NOTO: variants seen among roughly 807,000 people sequenced by gnomAD.
The protein encoded by NOTO is homeobox protein notochord.
NOTO carries 19 observed loss-of-function variants against 20.5 expected under a neutral mutation model. That is an observed-to-expected ratio of 0.93 (90% CI 0.65 to 1.36). The LOEUF (loss-of-function observed/expected upper bound fraction) is 1.36, where lower values mean the gene tolerates loss of function less well. Among genes scored for constraint, NOTO ranks in the 40% most tolerant of loss-of-function variants. The probability of loss-of-function intolerance (pLI) is 0.00; values close to 1 mark genes in which losing one functional copy is unlikely to be tolerated. For missense variants in NOTO, 369 were observed against 336.2 expected (o/e 1.10, Z -0.76); for synonymous variants, 150 against 150.2 (o/e 1.00, Z 0.01).
intron 1 of NOTO, among the ~76,000 whole-genome samples, chr2:73,207,120 C>T (rs904003607): frequency 3.9e-5 from 6 of 152,092 alleles, no homozygotes; most frequent in Admixed American, 3.9e-4. Context: ...AAGGAACACA[C>T]AGTACAGCCT....
At position 73,204,893 on chromosome 2, in the gene NOTO, T is replaced by A. The variant is rs574583588; in HGVS notation, c.382+1845T>A. ...TAATTTTTTTTATTTTTTTATTTTTTTTTTTTGAGGCGGAGTCTTGCTCTG... is the reference window on the plus strand; with the variant it reads ...TAATTTTTTTTATTTTTTTATTTTTATTTTTTGAGGCGGAGTCTTGCTCTG... On this transcript the variant is annotated intron_variant, in intron 1 of 2. Coordinates refer to ENST00000398468, the MANE Select transcript of NOTO (RefSeq NM_001134462.2). Among the ~76,000 whole-genome samples, 228 of 144,816 alleles carry A rather than the reference T, an allele frequency of 1.6e-3. 2 individuals carry two copies. The highest frequency in any genetic ancestry group is 6.3e-3 in the Admixed American group (92 of 14,562).
Position 73,203,007 on chromosome 2 carries a change from G to T in NOTO, c.341G>T (p.Arg114Leu). 7.0e-7 allele frequency: 1 copy of T among 1,432,780 alleles called. No individual in the cohort carries two copies. The allele number at this position is 1,432,780 out of a possible 1,614,324, so 88.8% of individuals were successfully genotyped here. ...GGTTTTTACCCTGTGCCAGGGCCGC[G>T]CGTGGCTCCCGTCTGCGGCCTGCTG... ...SVGFYPVPGP[R>L]VAPVCGLLGF... The change falls in exon 1 of 3, where the codon CGC (arginine) becomes CTC (leucine). Residue 114 changes from arginine (R) to leucine (L), a missense_variant. By Grantham distance (102) the Arg-to-Leu change is moderately radical. Coordinates refer to ENST00000398468, the MANE Select transcript of NOTO (RefSeq NM_001134462.2).
chr2:73,203,931 T>C (rs1423835644), intron 1 of NOTO, among the ~76,000 whole-genome samples: 1 of 114,340 alleles, frequency 8.7e-6, no homozygotes, highest in Admixed American at 8.0e-5. Flanking sequence ...AAACCCCGTC[T>C]CTACTAAAAA....
At chr2:73,203,089 G>C (rs1429042269) in intron 1 of NOTO, 41 bp downstream of exon 1, 1 of 1,366,110 alleles carries the variant, frequency 7.3e-7, no homozygotes, top group African/African-American at 1.5e-5. Flanking sequence ...GACTGGGCGG[G>C]GGCTGGAGAG....
At position 73,203,108 on chromosome 2, in the gene NOTO, G is replaced by A. The variant is rs1686030425; in HGVS notation, c.382+60G>A. Reference sequence around the variant, plus strand: ...GGGCGGGGGCTGGAGAGCCTAGGTCGCCACTGCCGGCGCCCCAGTGCAGGA... The same window carrying A: ...GGGCGGGGGCTGGAGAGCCTAGGTCACCACTGCCGGCGCCCCAGTGCAGGA... On this transcript the variant is annotated intron_variant, in intron 1 of 2. Coordinates refer to ENST00000398468, the MANE Select transcript of NOTO (RefSeq NM_001134462.2). The A allele has an allele frequency of 1.4e-5, 18 of 1,327,208 alleles. No individual in the cohort carries two copies. In the Middle Eastern group the frequency reaches 8.2e-4, roughly 60 times the overall value. 82.2% of individuals were successfully genotyped at this position (1,327,208 alleles called of 1,614,324 possible).
At chr2:73,204,090 C>T (rs1325723501) in intron 1 of NOTO, among the ~76,000 whole-genome samples, 1 of 76,256 alleles carries the variant, frequency 1.3e-5, no homozygotes, top group East Asian at 2.3e-4. Context: ...CAGAGCGAAA[C>T]TCCGTCTCAA....
Position 73,202,630 on chromosome 2 carries a change from C to A in NOTO, c.-37C>A, listed in dbSNP as rs1209874368. On this transcript the variant is annotated 5_prime_UTR_variant, in exon 1 of 3. Transcript: ENST00000398468. ...GCAGAATCTTCTCACTTCTCCCGAG[C>A]TCCCTTCCTTGCGTCCGTCCGGGCA... is the stretch of plus-strand genomic sequence containing the variant. 1.4e-6 allele frequency: 2 copies of A among 1,420,174 alleles called. No homozygotes were observed. The highest frequency in any genetic ancestry group is 9.1e-7 in the Non-Finnish European group (1 of 1,095,846). The allele number at this position is 1,420,174 out of a possible 1,614,324, so 88.0% of individuals were successfully genotyped here. A position where few individuals can be genotyped will look rare whatever the true frequency, so the allele number is the denominator to read the frequency against.
Position 73,202,622 on chromosome 2 carries a change from C to T in NOTO, c.-45C>T, listed in dbSNP as rs950830920. 1 of 1,407,592 alleles carries T rather than the reference C, an allele frequency of 7.1e-7. No individual in the cohort carries two copies. The highest frequency in any genetic ancestry group is 9.2e-7 in the Non-Finnish European group (1 of 1,088,630). 87.2% of individuals were successfully genotyped at this position (1,407,592 alleles called of 1,614,324 possible). On this transcript the variant is annotated 5_prime_UTR_variant, in exon 1 of 3. Coordinates refer to ENST00000398468, the MANE Select transcript of NOTO (RefSeq NM_001134462.2). ...TGCCTTTTGCAGAATCTTCTCACTT[C>T]TCCCGAGCTCCCTTCCTTGCGTCCG...
intron 1 of NOTO, 50 bp downstream of exon 1, chr2:73,203,098 A>C: frequency 7.4e-7 from 1 of 1,357,510 alleles, no homozygotes; most frequent in Admixed American, 3.9e-5. Flanking sequence ...GGGGCTGGAG[A>C]GCCTAGGTCG....
Position 73,210,802 on chromosome 2 carries a change from A to T in NOTO, c.629A>T (p.Lys210Met). ...GTCTGGTTCCAGAACCGCAGGGTCA[A>T]GTATCAGAAGCAGCAAAAGCTGAGG... Reference protein sequence around the residue: ...VRVWFQNRRVKYQKQQKLRAA... With the variant: ...VRVWFQNRRVMYQKQQKLRAA... The change falls in exon 3 of 3, where the codon AAG becomes ATG. Residue 210 changes from lysine to methionine, a missense_variant. Lys to Met is a moderately conservative substitution (Grantham distance 95). Coordinates refer to ENST00000398468, the MANE Select transcript of NOTO (RefSeq NM_001134462.2). 1 of 1,551,626 alleles carries T rather than the reference A, an allele frequency of 6.4e-7. No homozygotes were observed. Among genetic ancestry groups the T allele is most frequent in the Non-Finnish European group, 8.7e-7 (1 of 1,146,936 alleles).
chr2:73,210,711 A>G, intron 2 of NOTO, 60 bp from the exon 3 acceptor site: 1 of 1,419,942 alleles, frequency 7.0e-7, no homozygotes, highest in Non-Finnish European at 9.5e-7. Flanking sequence ...CACTCCAGGA[A>G]TTAGGAAGCA....
intron 1 of NOTO, among the ~76,000 whole-genome samples, chr2:73,206,991 C>T (rs1204038262): frequency 2.0e-5 from 3 of 151,726 alleles, no homozygotes. Flanking sequence ...GACGGGGTTT[C>T]GCCAAGTTGG....
At chr2:73,203,108 G>T (rs1686030425) in intron 1 of NOTO, 60 bp downstream of exon 1, 1 of 1,327,216 alleles carries the variant, frequency 7.5e-7, no homozygotes, top group South Asian at 1.9e-5. Flanking sequence ...AGCCTAGGTC[G>T]CCACTGCCGG....
At chr2:73,207,237 G>A (rs1686101391) in intron 1 of NOTO, among the ~76,000 whole-genome samples, 1 of 152,130 alleles carries the variant, frequency 6.6e-6, no homozygotes, top group Non-Finnish European at 1.5e-5. Context: ...ACCTTGGCAG[G>A]CACAGTGTAA....
intron 1 of NOTO, among the ~76,000 whole-genome samples, chr2:73,206,655 C>T (rs1286152997): frequency 6.6e-6 from 1 of 151,814 alleles, no homozygotes; most frequent in Non-Finnish European, 1.5e-5. Flanking sequence ...ATGTTAAAAT[C>T]CTGACATCTC....
intron 2 of NOTO, 49 bp downstream of exon 2, chr2:73,208,663 A>C: frequency 8.3e-7 from 1 of 1,205,162 alleles, no homozygotes; most frequent in Non-Finnish European, 1.2e-6. Flanking sequence ...GGGGACAAAC[A>C]CTACCTCAGC....
Position 73,211,563 on chromosome 2 carries a change from G to C in NOTO, c.*634G>C, listed in dbSNP as rs979837426. Reference sequence around the variant, plus strand: ...TGGCTCACCGCCACCTCCGCCTCCCGGGTTCAAGCGATTCTCCTGCCTCAG... The same window carrying C: ...TGGCTCACCGCCACCTCCGCCTCCCCGGTTCAAGCGATTCTCCTGCCTCAG... On this transcript the variant is annotated 3_prime_UTR_variant, in exon 3 of 3. Transcript: ENST00000398468. The C allele has an allele frequency of 1.3e-5, 2 of 152,296 alleles. No individual in the cohort carries two copies. Among genetic ancestry groups the C allele is most frequent in the Non-Finnish European group, 2.9e-5 (2 of 68,154 alleles). The allele number at this position is 152,296 out of a possible 1,614,324, so 9.4% of individuals were successfully genotyped here. A position where few individuals can be genotyped will look rare whatever the true frequency, so the allele number is the denominator to read the frequency against.
chr2:73,205,671 T>A (rs1012569209), intron 1 of NOTO, among the ~76,000 whole-genome samples: 5 of 152,074 alleles, frequency 3.3e-5, no homozygotes, highest in African/African-American at 1.2e-4. Context: ...TGAGACAGGT[T>A]CTCTGTCACT....
intron 1 of NOTO, among the ~76,000 whole-genome samples, chr2:73,204,293 CA>C (rs1157669401): frequency 6.6e-6 from 1 of 151,638 alleles, no homozygotes; most frequent in South Asian, 2.1e-4. Flanking sequence ...AACAAATCAA[CA>C]AAAAAAAGTA....
Sources: gnomAD v4.1 joint callset for allele counts (sites outside exome capture counted in the v4.1 genomes callset) on GRCh38, gnomAD v4.1.1 for gene constraint, MANE v1.5 for transcripts, NCBI Gene and HGNC (gene_info 2026-07-23, HGNC 2026-07-21) for gene names.